DMD: variants seen among roughly 807,000 people sequenced by gnomAD.
DMD encodes the protein mutant dystrophin.
Under a neutral mutation model 330.1 loss-of-function variants are expected in DMD, and 63 were observed. That is an observed-to-expected ratio of 0.19 (90% CI 0.16 to 0.24). The LOEUF (loss-of-function observed/expected upper bound fraction) is 0.24, where lower values mean the gene tolerates loss of function less well. Among genes scored for constraint, DMD ranks in the 10% least tolerant of loss-of-function variants. The pLI is 1.00. For synonymous variants in DMD, 1,223 were observed against 959.8 expected (o/e 1.27, Z -5.07); for missense variants, 3,344 against 2,684.1 (o/e 1.25, Z -5.43).
chrX:31,125,433 C>T (rs1340150569), intron 78 of DMD, among the ~76,000 whole-genome samples: 1 of 111,763 alleles, frequency 8.9e-6, no homozygotes, highest in Non-Finnish European at 1.9e-5. Flanking sequence ...GCAGAGTTTT[C>T]ATTACGACTC....
intron 20 of DMD, 135 bp from the exon 21 acceptor site, chrX:32,485,234 G>C (rs920813032): frequency 3.7e-5 from 21 of 572,607 alleles, no homozygotes; most frequent in Admixed American, 1.7e-4. Flanking sequence ...AAACATCCAT[G>C]ACAGTATAGA....
intron 2 of DMD, among the ~76,000 whole-genome samples, chrX:32,863,160 T>C (rs1198598896): frequency 9.0e-6 from 1 of 111,353 alleles, no homozygotes; most frequent in African/African-American, 3.3e-5. Flanking sequence ...AACGGTATGG[T>C]ACAAGGTTGG....
intron 62 of DMD, among the ~76,000 whole-genome samples, chrX:31,304,820 T>C (rs1222352881): frequency 9.0e-6 from 1 of 110,867 alleles, no homozygotes; most frequent in Non-Finnish European, 1.9e-5. Context: ...ATGTATATAT[T>C]GATGATTACA....
rs1359566 is a variant in DMD, at chrX:33,016,839, A to T, written c.93+3300T>A. On this transcript the variant is annotated intron_variant, in intron 2 of 78. Transcript: ENST00000357033. ...CAAAATTATTTTTGGTCATGTTTTC[A>T]AAACTGTACTTCCCTTTATTAAGCC... Among the ~76,000 whole-genome samples, 461 of 112,045 alleles carry T rather than the reference A, an allele frequency of 4.1e-3. 6 individuals are homozygous for T. In the East Asian group the frequency reaches 0.042, roughly 10 times the overall value.
chrX:32,475,254 A>G (rs1314107124), intron 21 of DMD, among the ~76,000 whole-genome samples: 1 of 111,511 alleles, frequency 9.0e-6, no homozygotes, highest in African/African-American at 3.3e-5. Context: ...TTTGGTGACT[A>G]TGGCCTTATA....
At chrX:33,261,145 A>C (rs2052948573) in intron 1 of DMD, among the ~76,000 whole-genome samples, 1 of 111,405 alleles carries the variant, frequency 9.0e-6, no homozygotes, top group African/African-American at 3.3e-5. Context: ...TTTGTCTTCT[A>C]TTAGTATTTT....
chrX:31,180,862 C>T (rs1282085396), intron 68 of DMD, among the ~76,000 whole-genome samples: 25 of 112,064 alleles, frequency 2.2e-4, no homozygotes, highest in Non-Finnish European at 7.5e-5. Context: ...GCCCCTTACC[C>T]ATCATGGGAC....
chrX:31,209,642 T>C lies in DMD; in HGVS notation c.9419A>G (p.Gln3140Arg), dbSNP rs760251358. Residue 3140 changes from glutamine (Q) to arginine (R), a missense_variant, in exon 65 of 79, where the codon CAA (glutamine) becomes CGA (arginine). Physicochemically the swap from Gln to Arg is conservative, Grantham distance 43 (BLOSUM62 1). Transcript: ENST00000357033. ...CDALDQHNLK[Q>R]NDQPMDILQI... The stretch of plus-strand genomic sequence containing the variant: ...CAGGATATCCATGGGCTGGTCATTT[T>C]GCTTGAGGTTGTGCTGGTCCAAGGC... 2.5e-6 allele frequency: 3 copies of C among 1,211,683 alleles called. No homozygotes were observed. The highest frequency in any genetic ancestry group is 4.3e-5 in the Admixed American group (2 of 46,014).
At chrX:32,664,469 C>T (rs1302403441) in intron 9 of DMD, among the ~76,000 whole-genome samples, 3 of 110,174 alleles carry the variant, frequency 2.7e-5, no homozygotes, top group Admixed American at 9.7e-5. Context: ...TCTCGATCTC[C>T]TGACCTCGTG....
At chrX:32,261,346 C>T (rs1422238947) in intron 43 of DMD, among the ~76,000 whole-genome samples, 2 of 111,306 alleles carry the variant, frequency 1.8e-5, no homozygotes, top group East Asian at 2.8e-4. Flanking sequence ...TACTGACTTG[C>T]GATTGATGTC....
intron 9 of DMD, among the ~76,000 whole-genome samples, chrX:32,650,251 A>G (rs1000606260): frequency 8.9e-6 from 1 of 112,159 alleles, no homozygotes; most frequent in Non-Finnish European, 1.9e-5. Context: ...GCCTTAAAGT[A>G]TGATACGACT....
At chrX:32,424,348 C>A (rs970231067) in intron 29 of DMD, among the ~76,000 whole-genome samples, 5 of 111,106 alleles carry the variant, frequency 4.5e-5, no homozygotes, top group Non-Finnish European at 7.5e-5. Context: ...GAAGCTATAT[C>A]CATTATTAAC....
At chrX:33,271,201 T>A (rs1227976093) in intron 1 of DMD, among the ~76,000 whole-genome samples, 1 of 111,473 alleles carries the variant, frequency 9.0e-6, no homozygotes, top group Non-Finnish European at 1.9e-5. Flanking sequence ...TTTTATATAT[T>A]TCTTTTTAAA....
intron 61 of DMD, among the ~76,000 whole-genome samples, chrX:31,344,478 A>G (rs1390298302): frequency 8.9e-6 from 1 of 111,752 alleles, no homozygotes; most frequent in Non-Finnish European, 1.9e-5. Flanking sequence ...AACACACGAA[A>G]ATATTGGAAA....
At chrX:31,316,629 T>C (rs180865352) in intron 62 of DMD, among the ~76,000 whole-genome samples, 4 of 112,022 alleles carry the variant, frequency 3.6e-5, no homozygotes, top group East Asian at 2.8e-4. Flanking sequence ...TCAGTTAATA[T>C]CTTAACCTGA....
intron 7 of DMD, among the ~76,000 whole-genome samples, chrX:32,783,318 T>C (rs1325024300): frequency 4.2e-5 from 4 of 95,160 alleles, no homozygotes; most frequent in Non-Finnish European, 8.0e-5. Flanking sequence ...ATATATGGTA[T>C]ATATATACAC....
At chrX:31,883,896 A>G (rs1488124981) in intron 47 of DMD, among the ~76,000 whole-genome samples, 4 of 108,705 alleles carry the variant, frequency 3.7e-5, no homozygotes, top group Non-Finnish European at 7.7e-5. Flanking sequence ...AAAAAAAAAA[A>G]TGATCAACCT....
At chrX:33,181,980 G>C (rs997431337) in intron 1 of DMD, among the ~76,000 whole-genome samples, 1 of 111,636 alleles carries the variant, frequency 9.0e-6, no homozygotes, top group African/African-American at 3.3e-5. Flanking sequence ...ACCTTTATAT[G>C]AACCAGAAAT....
At chrX:33,335,994 C>G (rs1382466450) in intron 1 of DMD, among the ~76,000 whole-genome samples, 1 of 111,255 alleles carries the variant, frequency 9.0e-6, no homozygotes, top group African/African-American at 3.3e-5. Context: ...ATTGGAGAAT[C>G]ACAGCATATA....
Sources: gnomAD v4.1 joint callset for allele counts (sites outside exome capture counted in the v4.1 genomes callset) on GRCh38, gnomAD v4.1.1 for gene constraint, MANE v1.5 for transcripts, NCBI Gene and HGNC (gene_info 2026-07-23, HGNC 2026-07-21) for gene names.